NNMT: variants seen among roughly 807,000 people sequenced by gnomAD.
NNMT encodes nicotinamide N-methyltransferase.
NNMT carries 10 observed loss-of-function variants against 11.7 expected under a neutral mutation model. The observed-to-expected ratio is 0.85, with a 90% CI of 0.53 to 1.45. The LOEUF (loss-of-function observed/expected upper bound fraction) is 1.45, where lower values mean the gene tolerates loss of function less well. Ranked by LOEUF, NNMT falls within the 40% of genes most tolerant of loss-of-function variation. NNMT has a pLI of 0.00. For missense variants in NNMT, 381 were observed against 319.4 expected, an observed-to-expected ratio of 1.19 and a Z score of -1.47; for synonymous variants, 143 against 133.8, an observed-to-expected ratio of 1.07 and a Z score of -0.48.
chr11:114,312,555 G>A lies in NNMT; in HGVS notation c.*78G>A. The A allele has an allele frequency of 7.1e-7, 1 of 1,415,062 alleles. No homozygotes were observed. Among genetic ancestry groups the A allele is most frequent in the East Asian group, 2.3e-5 (1 of 43,666 alleles). The allele number at this position is 1,415,062 out of a possible 1,614,324, so 87.7% of individuals were successfully genotyped here. ...TCCTTGTTTCTAACTGCCAAGTCATGTGCTGAGTAGAGGCTCAGTGGTTGG... is the reference window on the plus strand; with the variant it reads ...TCCTTGTTTCTAACTGCCAAGTCATATGCTGAGTAGAGGCTCAGTGGTTGG... On this transcript the variant is annotated 3_prime_UTR_variant, in exon 3 of 3. Transcript: ENST00000299964.
intron 2 of NNMT, among the ~76,000 whole-genome samples, chr11:114,300,685 AT>A (rs1208875287): frequency 6.6e-6 from 1 of 152,182 alleles, no homozygotes. Context: ...TGCTATATGC[AT>A]TTTGACACTT....
chr11:114,294,779 AAG>A (rs1689630117), upstream of NNMT, among the ~76,000 whole-genome samples: 1 of 152,162 alleles, frequency 6.6e-6, no homozygotes, highest in Non-Finnish European at 1.5e-5. Flanking sequence ...CCGAAAAAAA[AAG>A]AGAGGGAGAA....
At chr11:114,265,116 C>T (rs1038015389) in intron 2 of NNMT, among the ~76,000 whole-genome samples, 7 of 152,304 alleles carry the variant, frequency 4.6e-5, no homozygotes, top group African/African-American at 1.7e-4. Flanking sequence ...TTCCAGCAAC[C>T]AGCCCCCATC....
At chr11:114,274,354 T>C (rs1370584421) in intron 2 of NNMT, among the ~76,000 whole-genome samples, 2 of 152,274 alleles carry the variant, frequency 1.3e-5, no homozygotes, top group African/African-American at 2.4e-5. Flanking sequence ...CCTCTCTGCC[T>C]GTGAGTCTTT....
At chr11:114,297,890 T>C in intron 1 of NNMT, 61 bp from the exon 2 acceptor site, 2 of 1,408,070 alleles carry the variant, frequency 1.4e-6, no homozygotes, top group South Asian at 2.3e-5. Context: ...AATGTAAATT[T>C]GACTCTGCCC....
chr11:114,282,457 C>T (rs1945269334), intron 2 of NNMT, among the ~76,000 whole-genome samples: 1 of 151,946 alleles, frequency 6.6e-6, no homozygotes, highest in African/African-American at 2.4e-5. Context: ...AGAATATGAC[C>T]AGGAAATGTA....
At position 114,298,142 on chromosome 11, in the gene NNMT, G is replaced by A. The variant is rs1473957109; in HGVS notation, c.346G>A (p.Asp116Asn). ...GTCCCCAGTGGTGACCTATGTGTGT[G>A]ATCTTGAAGGGAACAGGTAGAGAAA... is the stretch of plus-strand genomic sequence containing the variant. ...DWSPVVTYVCDLEGNRVKGPE... is the reference protein window; with the variant it reads ...DWSPVVTYVCNLEGNRVKGPE... The change falls in exon 2 of 3, where the codon GAT becomes AAT. Residue 116 changes from aspartate to asparagine, a missense_variant. By Grantham distance (23) the Asp-to-Asn change is conservative. Coordinates refer to ENST00000299964, the MANE Select transcript of NNMT (RefSeq NM_006169.3). The A allele has an allele frequency of 6.2e-7, 1 of 1,614,004 alleles. No homozygotes were observed. The highest frequency in any genetic ancestry group is 8.5e-7 in the Non-Finnish European group (1 of 1,180,024).
intron 2 of NNMT, among the ~76,000 whole-genome samples, chr11:114,270,675 C>T (rs1301329270): frequency 2.0e-5 from 3 of 152,150 alleles, no homozygotes; most frequent in Admixed American, 6.5e-5. Context: ...TCACTGTGTC[C>T]TCCTATGGCC....
At chr11:114,285,544 G>A (rs541473337) in intron 2 of NNMT, among the ~76,000 whole-genome samples, 7 of 152,288 alleles carry the variant, frequency 4.6e-5, no homozygotes, top group Non-Finnish European at 1.0e-4. Flanking sequence ...GGCCCTGCGG[G>A]AGCACATCAA....
intron 2 of NNMT, among the ~76,000 whole-genome samples, chr11:114,276,424 G>A (rs1451002674): frequency 6.6e-6 from 1 of 152,184 alleles, no homozygotes; most frequent in Non-Finnish European, 1.5e-5. Flanking sequence ...AGCTAGGAGT[G>A]CACAGGGGCA....
At chr11:114,309,084 G>C (rs934520804) in intron 2 of NNMT, among the ~76,000 whole-genome samples, 3 of 152,122 alleles carry the variant, frequency 2.0e-5, no homozygotes, top group African/African-American at 7.2e-5. Flanking sequence ...CAATGTTCCC[G>C]TTATACAGGA....
At chr11:114,259,841 G>A (rs955309313) in intron 1 of NNMT, among the ~76,000 whole-genome samples, 1 of 152,128 alleles carries the variant, frequency 6.6e-6, no homozygotes, top group Admixed American at 6.5e-5. Flanking sequence ...GCAAAGCCAC[G>A]CTGCGTTCAG....
chr11:114,291,027 G>A (rs1049982403), intron 2 of NNMT, among the ~76,000 whole-genome samples: 6 of 152,120 alleles, frequency 3.9e-5, no homozygotes, highest in East Asian at 3.8e-4. Flanking sequence ...GGAGGGAATT[G>A]CTTTTCAAAT....
chr11:114,262,401 C>T (rs1945090425), intron 1 of NNMT, among the ~76,000 whole-genome samples: 2 of 152,082 alleles, frequency 1.3e-5, no homozygotes, highest in African/African-American at 2.4e-5. Flanking sequence ...TTCCCCTCCA[C>T]GTGTCCATGT....
At chr11:114,303,948 C>A (rs1186510513) in intron 2 of NNMT, among the ~76,000 whole-genome samples, 1 of 152,160 alleles carries the variant, frequency 6.6e-6, no homozygotes, top group African/African-American at 2.4e-5. Flanking sequence ...TGCATTTTAA[C>A]CTGTATACCC....
At chr11:114,290,453 G>T (rs1945327410) in intron 2 of NNMT, among the ~76,000 whole-genome samples, 1 of 152,136 alleles carries the variant, frequency 6.6e-6, no homozygotes, top group African/African-American at 2.4e-5. Flanking sequence ...GTCTAAAATT[G>T]GAGTGTAAGT....
At chr11:114,258,803 A>C (rs1335835970) in intron 1 of NNMT, among the ~76,000 whole-genome samples, 1 of 152,164 alleles carries the variant, frequency 6.6e-6, no homozygotes, top group Non-Finnish European at 1.5e-5. Flanking sequence ...CCCCTCGGCC[A>C]ACCCCTACTC....
chr11:114,296,775 A>G, intron 1 of NNMT, 65 bp downstream of exon 1: 2 of 1,533,990 alleles, frequency 1.3e-6, no homozygotes, highest in Non-Finnish European at 1.8e-6. Flanking sequence ...TCAGGGCACG[A>G]CTGGGTTTTG....
At chr11:114,294,446 C>A (rs960778252), upstream of NNMT, among the ~76,000 whole-genome samples, 5 of 140,366 alleles carry the variant, frequency 3.6e-5, no homozygotes, top group African/African-American at 1.3e-4. Flanking sequence ...TCACTGCACT[C>A]CAGCCTGGGT....
Sources: allele counts gnomAD v4.1 joint callset (sites outside exome capture counted in the v4.1 genomes callset), GRCh38; gene constraint gnomAD v4.1.1; transcripts MANE v1.5; gene names NCBI Gene and HGNC (gene_info 2026-07-23, HGNC 2026-07-21).